The following KLHL35 variants were observed in gnomAD, a reference collection of about 807,000 sequenced individuals.
KLHL35 encodes kelch like family member 35, also known as kelch-like protein 35.
KLHL35 carries 50 observed loss-of-function variants against 44.0 expected under a neutral mutation model. The observed-to-expected ratio is 1.14, with a 90% CI of 0.91 to 1.44. The LOEUF (loss-of-function observed/expected upper bound fraction) is 1.44, where lower values mean the gene tolerates loss of function less well. Among genes scored for constraint, KLHL35 ranks in the 40% most tolerant of loss-of-function variants. The probability of loss-of-function intolerance (pLI) is 0.00; values close to 1 mark genes in which losing one functional copy is unlikely to be tolerated. For synonymous variants in KLHL35, 470 were observed against 410.4 expected, an observed-to-expected ratio of 1.15 and a Z score of -1.76; for missense variants, 1,049 against 887.8, an observed-to-expected ratio of 1.18 and a Z score of -2.31.
At chr11:75,428,391 G>A (rs1469961865) in intron 3 of KLHL35, 51 bp downstream of exon 3, 58 of 1,592,008 alleles carry the variant, frequency 3.6e-5, no homozygotes, top group Non-Finnish European at 4.3e-5. Flanking sequence ...GGTGGAGTGC[G>A]GAGGCTACTA....
chr11:75,427,311 G>A lies in KLHL35; in HGVS notation c.1067-673C>T, dbSNP rs374553188. On this transcript the variant is annotated intron_variant, in intron 3 of 6. Transcript: ENST00000539798. ...ATGCCCTATGGGGCCAGGTACTGGG[G>A]ATGCAGGATGTGGACTCTCCCTTCC... 2.6e-5 allele frequency among the ~76,000 whole-genome samples: 4 copies of A among 152,310 alleles called. No individual in the cohort carries two copies. The South Asian group carries it at 8.3e-4, about 32-fold the overall frequency.
At chr11:75,422,910 G>T in intron 6 of KLHL35, 142 bp from the exon 7 acceptor site, 1 of 727,326 alleles carries the variant, frequency 1.4e-6, no homozygotes, top group South Asian at 1.7e-5. Context: ...AAACTGGATG[G>T]ACCTGAGTTC....
chr11:75,425,428 CA>C lies in KLHL35; in HGVS notation c.1338del (p.Ile446MetfsTer53). ...VASCAGKLFV[I>X]GGARQGGVNT... ...TTGACGCCGCCCTGCCTGGCGCCCC[CA>C]ATCACGAAGAGCTTGCCCGCGCAGG... On this transcript the variant is annotated frameshift_variant, in exon 5 of 7. Coordinates refer to ENST00000539798, the MANE Select transcript of KLHL35 (RefSeq NM_001039548.3). LOFTEE classifies it high-confidence loss of function. The C allele has an allele frequency of 6.4e-7, 1 of 1,568,836 alleles. No individual in the cohort carries two copies. The highest frequency in any genetic ancestry group is 8.6e-7 in the Non-Finnish European group (1 of 1,164,274).
intron 5 of KLHL35, among the ~76,000 whole-genome samples, chr11:75,425,100 T>C (rs1279651035): frequency 6.6e-6 from 1 of 152,170 alleles, no homozygotes; most frequent in Non-Finnish European, 1.5e-5. Context: ...TGTATTGTTT[T>C]TGGAATGGAA....
In KLHL35 at chr11:75,430,413, C is replaced by T. The variant is rs1212849963; in HGVS notation, c.217G>A (p.Gly73Arg). The change falls in exon 2 of 7, where the codon GGG becomes AGG. Residue 73 changes from glycine to arginine, a missense_variant. By Grantham distance (125) the Gly-to-Arg change is moderately radical (BLOSUM62 -2). Coordinates refer to ENST00000539798, the MANE Select transcript of KLHL35 (RefSeq NM_001039548.3). ...SAYFRSLFAAGRPERGPAVVP... is the reference protein window; with the variant it reads ...SAYFRSLFAARRPERGPAVVP... ...ACGGCCGGGCCGCGCTCGGGCCGCC[C>T]GGCCGCGAACAAGCTGCGGAAGTAG... is the stretch of plus-strand genomic sequence containing the variant. 2 of 1,365,018 alleles carry T rather than the reference C, an allele frequency of 1.5e-6. No individual in the cohort carries two copies. Among genetic ancestry groups the T allele is most frequent in the South Asian group, 1.5e-5 (1 of 66,034 alleles). 84.6% of individuals were successfully genotyped at this position (1,365,018 alleles called of 1,614,324 possible). A position where few individuals can be genotyped will look rare whatever the true frequency, so the allele number is the denominator to read the frequency against.
Position 75,430,415 on chromosome 11 carries a change from G to T in KLHL35, c.215C>A (p.Ala72Asp). ...GSAYFRSLFA[A>D]GRPERGPAVV... Reference sequence around the variant, plus strand: ...GGCCGGGCCGCGCTCGGGCCGCCCGGCCGCGAACAAGCTGCGGAAGTAGGC... The same window carrying T: ...GGCCGGGCCGCGCTCGGGCCGCCCGTCCGCGAACAAGCTGCGGAAGTAGGC... The change falls in exon 2 of 7, where the codon GCC becomes GAC. Residue 72 changes from alanine (A) to aspartate (D), a missense_variant. Physicochemically the swap from Ala to Asp is moderately radical, Grantham distance 126. Transcript: ENST00000539798. The T allele has an allele frequency of 7.3e-7, 1 of 1,368,306 alleles. No individual in the cohort carries two copies. Among genetic ancestry groups the T allele is most frequent in the Admixed American group, 3.0e-5 (1 of 33,300 alleles). The allele number at this position is 1,368,306 out of a possible 1,614,324, so 84.8% of individuals were successfully genotyped here. A position where few individuals can be genotyped will look rare whatever the true frequency, so the allele number is the denominator to read the frequency against.
At chr11:75,431,230 G>T (rs982702830) in intron 1 of KLHL35, among the ~76,000 whole-genome samples, 2 of 152,186 alleles carry the variant, frequency 1.3e-5, no homozygotes, top group Admixed American at 6.5e-5. Flanking sequence ...GTCTCCTGCC[G>T]ATCTCCGGTA....
At position 75,430,203 on chromosome 11, in the gene KLHL35, C is replaced by CGCAGGCCTCGCGCAG; in HGVS notation, c.412_426dup (p.Leu138_Cys142dup). ...CGCAGGCGGCCCTCGAGAAAGCGCA[C>CGCAGGCCTCGCGCAG]GCAGGCCTCGCGCAGGCCCGCCACG... On this transcript the variant is annotated inframe_insertion, in exon 2 of 7. Coordinates refer to ENST00000539798, the MANE Select transcript of KLHL35 (RefSeq NM_001039548.3). 3 of 1,237,648 alleles carry CGCAGGCCTCGCGCAG rather than the reference C, an allele frequency of 2.4e-6. No individual in the cohort carries two copies. Among genetic ancestry groups the CGCAGGCCTCGCGCAG allele is most frequent in the Non-Finnish European group, 3.0e-6 (3 of 986,768 alleles). 76.7% of individuals were successfully genotyped at this position (1,237,648 alleles called of 1,614,324 possible).
chr11:75,429,719 G>A (rs981766609), intron 2 of KLHL35, 30 bp downstream of exon 2: 6 of 1,425,756 alleles, frequency 4.2e-6, no homozygotes, highest in African/African-American at 1.5e-5. Flanking sequence ...GAAGAACGGA[G>A]GGCGGGAAGC....
At chr11:75,425,955 GA>G in intron 4 of KLHL35, 1 of 197,020 alleles carries the variant, frequency 5.1e-6, no homozygotes, top group Non-Finnish European at 1.0e-5. Flanking sequence ...AAAGATAATT[GA>G]CTTTTTTTTT....
Position 75,430,093 on chromosome 11 carries a change from A to C in KLHL35, c.537T>G (p.Arg179=). Residue 179 remains arginine, a synonymous_variant, in exon 2 of 7, where the codon CGT becomes CGG. Coordinates refer to ENST00000539798, the MANE Select transcript of KLHL35 (RefSeq NM_001039548.3). The part of the protein sequence containing the change: ...PLAERCGRVL[R]QAFAEVARHA... The stretch of plus-strand genomic sequence containing the variant: ...GGCGCGCCACCTCGGCGAAGGCCTG[A>C]CGCAGGACGCGGCCGCAGCGCTCGG... 1 of 1,345,392 alleles carries C rather than the reference A, an allele frequency of 7.4e-7. No individual in the cohort carries two copies. Among genetic ancestry groups the C allele is most frequent in the Non-Finnish European group, 9.5e-7 (1 of 1,051,912 alleles). The allele number at this position is 1,345,392 out of a possible 1,614,324, so 83.3% of individuals were successfully genotyped here.
At position 75,430,063 on chromosome 11, in the gene KLHL35, G is replaced by A; in HGVS notation, c.567C>T (p.Ala189=). 7.2e-7 allele frequency: 1 copy of A among 1,395,406 alleles called. No homozygotes were observed. Among genetic ancestry groups the A allele is most frequent in the Non-Finnish European group, 9.3e-7 (1 of 1,076,064 alleles). 86.4% of individuals were successfully genotyped at this position (1,395,406 alleles called of 1,614,324 possible). Residue 189 remains alanine, a synonymous_variant, in exon 2 of 7, where the codon GCC becomes GCT. Transcript: ENST00000539798. ...RQAFAEVARH[A]DFLELAPDEV... is the part of the protein sequence containing the mutation. The stretch of plus-strand genomic sequence containing the variant: ...CGTCAGGCGCCAGCTCCAGGAAGTC[G>A]GCGTGGCGCGCCACCTCGGCGAAGG...
At chr11:75,428,384 G>A in intron 3 of KLHL35, 58 bp downstream of exon 3, 11 of 1,574,928 alleles carry the variant, frequency 7.0e-6, no homozygotes, top group Non-Finnish European at 7.8e-6. Flanking sequence ...CAAAGGGGGT[G>A]GAGTGCGGAG....
intron 5 of KLHL35, chr11:75,424,139 G>C (rs1336515770): frequency 1.1e-5 from 5 of 441,334 alleles, no homozygotes; most frequent in African/African-American, 3.9e-5. Flanking sequence ...TCGAGGTCCT[G>C]CTCAAATGCC....
At chr11:75,423,184 G>C in intron 6 of KLHL35, 1 of 208,264 alleles carries the variant, frequency 4.8e-6, no homozygotes, top group Non-Finnish European at 9.8e-6. Context: ...GGTCACCAAA[G>C]GTCAGAACTG....
chr11:75,426,662 G>C (rs1050564796), intron 3 of KLHL35, 24 bp from the exon 4 acceptor site: 23 of 1,500,966 alleles, frequency 1.5e-5, no homozygotes, highest in Non-Finnish European at 1.8e-5. Context: ...AGCAGCTGTT[G>C]CCCATCGGCT....
Sources: gnomAD v4.1 joint callset for allele counts (sites outside exome capture counted in the v4.1 genomes callset) on GRCh38, gnomAD v4.1.1 for gene constraint, MANE v1.5 for transcripts, NCBI Gene and HGNC (gene_info 2026-07-23, HGNC 2026-07-21) for gene names.